MARCHF1: variants seen among roughly 807,000 people sequenced by gnomAD.
The protein encoded by MARCHF1 is E3 ubiquitin-protein ligase MARCHF1.
MARCHF1 carries 40 observed loss-of-function variants against 54.2 expected under a neutral mutation model. That is an observed-to-expected ratio of 0.74 (90% confidence interval 0.57 to 0.96). MARCHF1 has a LOEUF of 0.96. MARCHF1 is among the 40% of genes least tolerant of loss of function. The pLI, the probability that MARCHF1 is intolerant of heterozygous loss-of-function variation, is 0.00. For missense variants in MARCHF1, 586 were observed against 656.5 expected, an observed-to-expected ratio of 0.89 and a Z score of 1.17; for synonymous variants, 236 against 236.3, an observed-to-expected ratio of 1.00 and a Z score of 0.01.
At chr4:164,202,767 T>A (rs1310193959) in intron 1 of MARCHF1, among the ~76,000 whole-genome samples, 1 of 152,216 alleles carries the variant, frequency 6.6e-6, no homozygotes, top group South Asian at 2.1e-4. Context: ...TCCTACTATT[T>A]GCTTACGCCA....
chr4:164,141,419 A>G (rs569210214), intron 1 of MARCHF1, among the ~76,000 whole-genome samples: 3 of 152,338 alleles, frequency 2.0e-5, no homozygotes, highest in Non-Finnish European at 2.9e-5. Context: ...GTCACATACT[A>G]AAACCTATTT....
At chr4:163,878,040 A>T (rs1481609831) in intron 3 of MARCHF1, among the ~76,000 whole-genome samples, 1 of 152,172 alleles carries the variant, frequency 6.6e-6, no homozygotes, top group Non-Finnish European at 1.5e-5. Context: ...TTTCTTTCCT[A>T]TGTTTCTCAC....
chr4:164,371,773 T>C (rs778883677), intron 1 of MARCHF1, among the ~76,000 whole-genome samples: 1 of 152,194 alleles, frequency 6.6e-6, no homozygotes, highest in Non-Finnish European at 1.5e-5. Flanking sequence ...GAAAGATAGA[T>C]CTCTAAAGAT....
chr4:164,370,029 C>T (rs1730991191), intron 1 of MARCHF1, among the ~76,000 whole-genome samples: 1 of 152,164 alleles, frequency 6.6e-6, no homozygotes, highest in South Asian at 2.1e-4. Context: ...AAGATCTTCA[C>T]AGAAGACGTT....
chr4:163,666,321 C>T (rs1451591971), intron 5 of MARCHF1, among the ~76,000 whole-genome samples: 1 of 152,006 alleles, frequency 6.6e-6, no homozygotes, highest in Non-Finnish European at 1.5e-5. Context: ...GTAGGTGATT[C>T]TGAAACTGAT....
chr4:163,649,054 A>T (rs1326383090), intron 5 of MARCHF1, among the ~76,000 whole-genome samples: 1 of 152,078 alleles, frequency 6.6e-6, no homozygotes, highest in East Asian at 1.9e-4. Context: ...GCATAGCTTG[A>T]GATCCAAGGC....
At chr4:164,196,858 C>A in intron 1 of MARCHF1, 1 of 956,016 alleles carries the variant, frequency 1.0e-6, no homozygotes. Flanking sequence ...CTCATTCCCA[C>A]AGCAATGTTA....
chr4:163,528,742 G>T lies in MARCHF1; in HGVS notation c.*6C>A, dbSNP rs769109465. On this transcript the variant is annotated 3_prime_UTR_variant, in exon 10 of 10. Coordinates refer to ENST00000514618, the MANE Select transcript of MARCHF1 (RefSeq NM_001394959.1). ...TCTTCGGTGAAGAAACTCCCAACAGGTTCCATCAGACTGATACAACTTCAG... is the reference window on the plus strand; with the variant it reads ...TCTTCGGTGAAGAAACTCCCAACAGTTTCCATCAGACTGATACAACTTCAG... 1 of 1,601,852 alleles carries T rather than the reference G, an allele frequency of 6.2e-7. No individual in the cohort carries two copies. Among genetic ancestry groups the T allele is most frequent in the Admixed American group, 1.7e-5 (1 of 59,212 alleles).
chr4:163,640,697 T>C (rs913496281), intron 5 of MARCHF1, among the ~76,000 whole-genome samples: 1 of 152,138 alleles, frequency 6.6e-6, no homozygotes, highest in African/African-American at 2.4e-5. Flanking sequence ...ATCCACCAAG[T>C]TAGATGAATT....
intron 3 of MARCHF1, among the ~76,000 whole-genome samples, chr4:163,867,664 G>C (rs1750083078): frequency 6.6e-6 from 1 of 151,484 alleles, no homozygotes; most frequent in Admixed American, 6.6e-5. Flanking sequence ...ACTATTCTTT[G>C]CCATTCCCAG....
intron 1 of MARCHF1, among the ~76,000 whole-genome samples, chr4:164,244,490 C>T (rs1387746684): frequency 7.0e-6 from 1 of 143,570 alleles, no homozygotes; most frequent in African/African-American, 2.5e-5. Context: ...CACTAAATGC[C>T]CACAAGAGAA....
intron 2 of MARCHF1, among the ~76,000 whole-genome samples, chr4:164,018,006 C>A (rs756842919): frequency 6.6e-6 from 1 of 151,822 alleles, no homozygotes; most frequent in Admixed American, 6.6e-5. Context: ...CACACATATG[C>A]AGTCAATTGA....
At chr4:164,359,871 G>A (rs770591818) in intron 1 of MARCHF1, among the ~76,000 whole-genome samples, 1 of 152,044 alleles carries the variant, frequency 6.6e-6, no homozygotes, top group African/African-American at 2.4e-5. Context: ...CTGGGAGTAG[G>A]GCCCAGAAAT....
At chr4:163,578,308 G>A (rs941076632) in intron 8 of MARCHF1, among the ~76,000 whole-genome samples, 1 of 152,064 alleles carries the variant, frequency 6.6e-6, no homozygotes, top group African/African-American at 2.4e-5. Flanking sequence ...TTCTTACTAA[G>A]CAAGTGAGGT....
At chr4:164,198,101 A>G (rs1332243698) in intron 1 of MARCHF1, among the ~76,000 whole-genome samples, 1 of 152,234 alleles carries the variant, frequency 6.6e-6, no homozygotes, top group Non-Finnish European at 1.5e-5. Flanking sequence ...GACTAGGTTT[A>G]AAGTAACCTG....
Position 164,309,634 on chromosome 4 carries a change from G to A in MARCHF1, c.-323+74236C>T, listed in dbSNP as rs964885823. On this transcript the variant is annotated intron_variant, in intron 1 of 9. Transcript: ENST00000514618. Reference sequence around the variant, plus strand: ...TGTCCTAAGTACAGGGGCAATTCACGCCTTTCTGTTTTCTTCTATTTCTAT... The same window carrying A: ...TGTCCTAAGTACAGGGGCAATTCACACCTTTCTGTTTTCTTCTATTTCTAT... 1.3e-4 allele frequency among the ~76,000 whole-genome samples: 20 copies of A among 152,186 alleles called. No individual in the cohort carries two copies. In the East Asian group the frequency reaches 2.3e-3, roughly 18 times the overall value.
chr4:163,669,086 G>A (rs1053080850), intron 5 of MARCHF1, among the ~76,000 whole-genome samples: 9 of 152,074 alleles, frequency 5.9e-5, no homozygotes, highest in Non-Finnish European at 1.2e-4. Context: ...TCAGATTTTC[G>A]TTTCTGCAGA....
chr4:164,305,586 T>A (rs1734675360), intron 1 of MARCHF1, among the ~76,000 whole-genome samples: 1 of 152,180 alleles, frequency 6.6e-6, no homozygotes, highest in Non-Finnish European at 1.5e-5. Flanking sequence ...GATTGGTAAA[T>A]TGGTGTTTTT....
intron 1 of MARCHF1, among the ~76,000 whole-genome samples, chr4:164,374,018 A>C (rs1328484223): frequency 6.6e-6 from 1 of 152,236 alleles, no homozygotes; most frequent in Non-Finnish European, 1.5e-5. Context: ...GATAACCAAC[A>C]ATTTCTTTAA....
Sources: gnomAD v4.1 joint callset for allele counts (sites outside exome capture counted in the v4.1 genomes callset) on GRCh38, gnomAD v4.1.1 for gene constraint, MANE v1.5 for transcripts, NCBI Gene and HGNC (gene_info 2026-07-23, HGNC 2026-07-21) for gene names.